Variants in KCNK2 observed in about 807,000 individuals in gnomAD.
The protein encoded by KCNK2 is potassium two pore domain channel subfamily K member 2.
In KCNK2, 21 loss-of-function variants were observed where a neutral mutation model predicts 40.5. That is an observed-to-expected ratio of 0.52 (90% CI 0.37 to 0.75). The LOEUF (loss-of-function observed/expected upper bound fraction) is 0.75, where lower values mean the gene tolerates loss of function less well. Ranked by LOEUF, KCNK2 falls within the 30% of genes least tolerant of loss-of-function variation. The pLI, the probability that KCNK2 is intolerant of heterozygous loss-of-function variation, is 0.00. For missense variants in KCNK2, 399 were observed against 531.6 expected, an observed-to-expected ratio of 0.75 and a Z score of 2.45; for synonymous variants, 191 against 202.2, an observed-to-expected ratio of 0.94 and a Z score of 0.47.
At chr1:215,185,986 T>C (rs1247238501) in intron 5 of KCNK2, among the ~76,000 whole-genome samples, 1 of 152,218 alleles carries the variant, frequency 6.6e-6, no homozygotes, top group Non-Finnish European at 1.5e-5. Context: ...TTGTAATAGA[T>C]CTGTATTTCT....
upstream of KCNK2, among the ~76,000 whole-genome samples, chr1:215,082,531 T>A (rs1659203467): frequency 6.6e-6 from 1 of 151,386 alleles, no homozygotes; most frequent in African/African-American, 2.4e-5. Flanking sequence ...GGATGGGGGT[T>A]AGTGGAAGGG....
intron 3 of KCNK2, among the ~76,000 whole-genome samples, chr1:215,128,504 G>C (rs965218901): frequency 6.6e-6 from 1 of 152,134 alleles, no homozygotes; most frequent in Non-Finnish European, 1.5e-5. Context: ...AATGACTGAA[G>C]AATAACAAAA....
intron 1 of KCNK2, among the ~76,000 whole-genome samples, chr1:215,010,864 T>TGTGTG (rs1553254943): frequency 2.2e-5 from 3 of 137,858 alleles, no homozygotes; most frequent in African/African-American, 5.2e-5. Flanking sequence ...TTTTTTTTTT[T>TGTGTG]TTTTTGTGTG....
intron 3 of KCNK2, among the ~76,000 whole-genome samples, chr1:215,127,261 C>A (rs374222844): frequency 6.6e-6 from 1 of 152,050 alleles, no homozygotes; most frequent in South Asian, 2.1e-4. Flanking sequence ...TCAATTTCAT[C>A]AATTTTTCTA....
intron 1 of KCNK2, among the ~76,000 whole-genome samples, chr1:215,027,881 T>C (rs1482692634): frequency 6.6e-6 from 1 of 152,196 alleles, no homozygotes; most frequent in African/African-American, 2.4e-5. Flanking sequence ...TAGTTTACAT[T>C]GATAACTTTG....
intron 5 of KCNK2, among the ~76,000 whole-genome samples, chr1:215,172,642 C>T (rs907156389): frequency 5.3e-5 from 8 of 151,790 alleles, no homozygotes; most frequent in Non-Finnish European, 1.2e-4. Flanking sequence ...TTACAGGAGC[C>T]TTCTATTATT....
intron 1 of KCNK2, among the ~76,000 whole-genome samples, chr1:215,018,999 A>C (rs1195666983): frequency 1.9e-4 from 4 of 20,610 alleles, no homozygotes; most frequent in African/African-American, 5.8e-4. Flanking sequence ...ACACACACAC[A>C]AAAAAAAAAC....
At chr1:215,123,175 GA>G (rs1407768620) in intron 2 of KCNK2, among the ~76,000 whole-genome samples, 3 of 151,470 alleles carry the variant, frequency 2.0e-5, no homozygotes, top group Non-Finnish European at 4.4e-5. Context: ...TCAAATTTTA[GA>G]ACAACATATA....
chr1:215,208,038 T>C (rs112621526), intron 6 of KCNK2, among the ~76,000 whole-genome samples: 3,764 of 152,252 alleles, frequency 0.025, 152 homozygotes, highest in African/African-American at 0.085. Context: ...CCTAGAGGAA[T>C]ATAAATCATT....
chr1:215,201,525 G>A (rs961414438), intron 6 of KCNK2, among the ~76,000 whole-genome samples: 1 of 152,182 alleles, frequency 6.6e-6, no homozygotes, highest in Admixed American at 6.5e-5. Flanking sequence ...CATATGAATG[G>A]TGCCCTGGGG....
intron 1 of KCNK2, among the ~76,000 whole-genome samples, chr1:215,073,052 G>C (rs1381078782): frequency 6.6e-6 from 1 of 152,152 alleles, no homozygotes; most frequent in Non-Finnish European, 1.5e-5. Flanking sequence ...TTTGGACACA[G>C]AGACAGATAC....
At chr1:215,142,197 A>T (rs1662213136) in intron 3 of KCNK2, among the ~76,000 whole-genome samples, 1 of 151,956 alleles carries the variant, frequency 6.6e-6, no homozygotes, top group Non-Finnish European at 1.5e-5. Flanking sequence ...TTGTCTTTAA[A>T]TCACAGTGAA....
chr1:215,144,316 T>C (rs1662319132), intron 3 of KCNK2, among the ~76,000 whole-genome samples: 1 of 152,142 alleles, frequency 6.6e-6, no homozygotes, highest in South Asian at 2.1e-4. Context: ...TGCCCCTTAA[T>C]GGTTTTAGTG....
intron 1 of KCNK2, among the ~76,000 whole-genome samples, chr1:215,011,157 T>C (rs1346418538): frequency 6.6e-6 from 1 of 152,070 alleles, no homozygotes; most frequent in African/African-American, 2.4e-5. Flanking sequence ...AAATATTCCT[T>C]TGTGCTTCCC....
rs556121806 is a variant in KCNK2 at position 215,090,467 on chromosome 1, A to G, written c.357+3789A>G. Among the ~76,000 whole-genome samples, 4 of 152,330 alleles carry G rather than the reference A, an allele frequency of 2.6e-5. No homozygotes were observed. The East Asian group carries it at 7.7e-4, about 29-fold the overall frequency. Reference sequence around the variant, plus strand: ...CATATGTTAAGGTATAATGAATATTATAGTTCTCTGTACATATAGCATATC... The same window carrying G: ...CATATGTTAAGGTATAATGAATATTGTAGTTCTCTGTACATATAGCATATC... On this transcript the variant is annotated intron_variant, in intron 2 of 6. Coordinates refer to ENST00000444842, the MANE Select transcript of KCNK2 (RefSeq NM_001017425.3).
At chr1:215,114,431 G>T (rs1369610580) in intron 2 of KCNK2, among the ~76,000 whole-genome samples, 1 of 152,118 alleles carries the variant, frequency 6.6e-6, no homozygotes, top group African/African-American at 2.4e-5. Context: ...TCAAAGGGTA[G>T]CTCCATTATT....
At chr1:215,048,549 A>C (rs958304236) in intron 1 of KCNK2, among the ~76,000 whole-genome samples, 2 of 152,172 alleles carry the variant, frequency 1.3e-5, no homozygotes, top group African/African-American at 4.8e-5. Flanking sequence ...AAATAAAACA[A>C]AACCTCTCTC....
At chr1:215,216,806 C>T (rs1665983143) in intron 6 of KCNK2, among the ~76,000 whole-genome samples, 1 of 152,024 alleles carries the variant, frequency 6.6e-6, no homozygotes, top group African/African-American at 2.4e-5. Context: ...ACACTTAGAG[C>T]ACATCTCAAA....
chr1:215,054,769 T>G (rs1177103904), intron 1 of KCNK2, among the ~76,000 whole-genome samples: 1 of 152,216 alleles, frequency 6.6e-6, no homozygotes, highest in South Asian at 2.1e-4. Context: ...TTTTTAGCCT[T>G]TTTCCACACA....
Sources: allele counts gnomAD v4.1 joint callset (sites outside exome capture counted in the v4.1 genomes callset), GRCh38; gene constraint gnomAD v4.1.1; transcripts MANE v1.5; gene names NCBI Gene and HGNC (gene_info 2026-07-23, HGNC 2026-07-21).